Variants in NFU1 observed in about 807,000 individuals in gnomAD.
NFU1 encodes NFU1 iron-sulfur cluster scaffold, also known as NFU1 iron-sulfur cluster scaffold homolog, mitochondrial.
Under a neutral mutation model 32.2 loss-of-function variants are expected in NFU1, and 30 were observed. The observed-to-expected ratio is 0.93, with a 90% CI of 0.70 to 1.26. The LOEUF is 1.26. Ranked by LOEUF, NFU1 falls within the 50% of genes most tolerant of loss-of-function variation. NFU1 has a pLI of 0.00. For missense variants in NFU1, 306 were observed against 306.6 expected (o/e 1.00, Z 0.02); for synonymous variants, 112 against 104.6 (o/e 1.07, Z -0.43).
At position 69,415,294 on chromosome 2, in the gene NFU1, A is replaced by G. The variant is rs1383691673; in HGVS notation, c.375T>C (p.Asn125=). ...GPDFITVTKE[N]EELDWNLLKP... ...TCAGTAAATTCCAGTCTAATTCTTC[A>G]TTTTCCTATAAACATTTAAAGGAAA... Residue 125 remains asparagine, a synonymous_variant, in exon 5 of 8, where the codon AAT becomes AAC. Transcript: ENST00000410022. The G allele has an allele frequency of 2.9e-5, 45 of 1,577,382 alleles. No individual in the cohort carries two copies. Among genetic ancestry groups the G allele is most frequent in the Non-Finnish European group, 3.7e-5 (43 of 1,147,320 alleles).
At chr2:69,427,679 C>CA (rs35639734) in intron 2 of NFU1, among the ~76,000 whole-genome samples, 4,447 of 61,306 alleles carry the variant, frequency 0.073, 270 homozygotes, top group East Asian at 0.22. Flanking sequence ...CACTCAGTCT[C>CA]AAAAAAAAAA....
intron 2 of NFU1, among the ~76,000 whole-genome samples, chr2:69,424,656 T>G (rs1002684178): frequency 6.6e-6 from 1 of 152,132 alleles, no homozygotes; most frequent in Non-Finnish European, 1.5e-5. Flanking sequence ...TTAAGTCTTA[T>G]ACATATTCAT....
chr2:69,406,909 G>A (rs562281911), intron 5 of NFU1, among the ~76,000 whole-genome samples: 6 of 152,156 alleles, frequency 3.9e-5, no homozygotes, highest in South Asian at 2.1e-4. Context: ...TGCTGTTCTC[G>A]TGATAGTGAG....
chr2:69,428,910 C>A (rs1673549855), intron 2 of NFU1, among the ~76,000 whole-genome samples: 1 of 152,068 alleles, frequency 6.6e-6, no homozygotes, highest in Admixed American at 6.6e-5. Flanking sequence ...CCATGCAGTT[C>A]CAGCTAGCTG....
intron 4 of NFU1, among the ~76,000 whole-genome samples, chr2:69,418,676 A>G (rs1275385490): frequency 4.6e-5 from 7 of 151,718 alleles, no homozygotes; most frequent in Non-Finnish European, 1.0e-4. Context: ...TCACCATGTT[A>G]GCCAGAATGG....
chr2:69,424,588 AAT>A (rs1489277854), intron 2 of NFU1, among the ~76,000 whole-genome samples: 6 of 152,092 alleles, frequency 3.9e-5, no homozygotes, highest in Non-Finnish European at 7.4e-5. Flanking sequence ...GTGCCCAGCC[AAT>A]ACACTGATTA....
chr2:69,400,984 C>T (rs953498642), intron 6 of NFU1, among the ~76,000 whole-genome samples: 10 of 152,240 alleles, frequency 6.6e-5, no homozygotes, highest in African/African-American at 2.4e-4. Flanking sequence ...CAATATTTTA[C>T]AGCACTTAAG....
downstream of NFU1, chr2:69,396,060 T>C: frequency 1.8e-6 from 1 of 545,204 alleles, no homozygotes; most frequent in Non-Finnish European, 3.2e-6. Context: ...AATCCACGTG[T>C]ACAGAAGATG....
At position 69,431,918 on chromosome 2, in the gene NFU1, T is replaced by C; in HGVS notation, c.150A>G (p.Ala50=). 6.2e-7 allele frequency: 1 copy of C among 1,611,744 alleles called. No individual in the cohort carries two copies. Among genetic ancestry groups the C allele is most frequent in the Non-Finnish European group, 8.5e-7 (1 of 1,177,832 alleles). The change falls in exon 2 of 8, where the codon GCA becomes GCG. Residue 50 remains alanine, a synonymous_variant. Coordinates refer to ENST00000410022, the MANE Select transcript of NFU1 (RefSeq NM_001002755.4). The part of the protein sequence containing the change: ...FVQRPLFPLP[A]AFYHPVRYMF... ...AAATTTTACCTGGGTGATAAAAGGCTGCAGGTAGTGGGAAAAGTGGTCTTT... is the reference window on the plus strand; with the variant it reads ...AAATTTTACCTGGGTGATAAAAGGCCGCAGGTAGTGGGAAAAGTGGTCTTT...
At chr2:69,405,019 TG>T (rs1672651975) in intron 6 of NFU1, among the ~76,000 whole-genome samples, 1 of 150,166 alleles carries the variant, frequency 6.7e-6, no homozygotes, top group African/African-American at 2.4e-5. Context: ...GAAGTTGAGG[TG>T]GGCGGATCAC....
At position 69,424,033 on chromosome 2, in the gene NFU1, C is replaced by T. The variant is rs1246999496; in HGVS notation, c.167-316G>A. 3.3e-5 allele frequency among the ~76,000 whole-genome samples: 5 copies of T among 151,228 alleles called. No individual in the cohort carries two copies. In the East Asian group the frequency reaches 9.8e-4, roughly 30 times the overall value. On this transcript the variant is annotated intron_variant, in intron 2 of 7. Coordinates refer to ENST00000410022, the MANE Select transcript of NFU1 (RefSeq NM_001002755.4). Reference sequence around the variant, plus strand: ...ACTAAAAATACAAAAATTAGCCAGGCGTGGTGGCGGGTGCCTGTAATCCCA... The same window carrying T: ...ACTAAAAATACAAAAATTAGCCAGGTGTGGTGGCGGGTGCCTGTAATCCCA...
At position 69,414,763 on chromosome 2, in the gene NFU1, G is replaced by A. The variant is rs547287340; in HGVS notation, c.484+422C>T. 2.0e-5 allele frequency among the ~76,000 whole-genome samples: 3 copies of A among 152,112 alleles called. No individual in the cohort carries two copies. The East Asian group carries it at 5.8e-4, about 29-fold the overall frequency. On this transcript the variant is annotated intron_variant, in intron 5 of 7. Transcript: ENST00000410022. Reference sequence around the variant, plus strand: ...CTGGAACTAGGAAGGGAAAAGGGATGGGGGTACAGTGGTTTTAGCGGTTTC... The same window carrying A: ...CTGGAACTAGGAAGGGAAAAGGGATAGGGGTACAGTGGTTTTAGCGGTTTC...
chr2:69,423,808 A>T (rs1673349359), intron 2 of NFU1, 91 bp from the exon 3 acceptor site: 1 of 972,958 alleles, frequency 1.0e-6, no homozygotes, highest in South Asian at 1.5e-5. Flanking sequence ...GAATCAGAAG[A>T]AGTAAGAAAA....
At chr2:69,415,430 A>C in intron 4 of NFU1, 131 bp from the exon 5 acceptor site, 1 of 635,692 alleles carries the variant, frequency 1.6e-6, no homozygotes, top group Non-Finnish European at 2.8e-6. Flanking sequence ...GGCTGGATGG[A>C]GTACAGTGGT....
At position 69,437,284 on chromosome 2, in the gene NFU1, G is replaced by C. The variant is rs181474322; in HGVS notation, c.62+77C>G. 93 of 1,543,108 alleles carry C rather than the reference G, an allele frequency of 6.0e-5. No individual in the cohort carries two copies. The African/African-American group carries it at 9.3e-4, about 15-fold the overall frequency. On this transcript the variant is annotated intron_variant, in intron 1 of 7. Transcript: ENST00000410022. ...TGCACTACCCACCCGCCTCGAGAGA[G>C]GGTCTGCAAGGCGGCGACCGCTCCG...
chr2:69,413,710 G>C (rs1477858438), intron 5 of NFU1, among the ~76,000 whole-genome samples: 1 of 152,174 alleles, frequency 6.6e-6, no homozygotes, highest in Non-Finnish European at 1.5e-5. Flanking sequence ...AGTGAACTGA[G>C]ATCATGCCAC....
At chr2:69,423,417 G>A (rs1446984227) in intron 3 of NFU1, among the ~76,000 whole-genome samples, 165 bp downstream of exon 3, 1 of 121,360 alleles carries the variant, frequency 8.2e-6, no homozygotes, top group African/African-American at 3.3e-5. Flanking sequence ...ACTGCAACAG[G>A]CCTTATTTTT....
At chr2:69,433,594 G>A (rs567364463) in intron 1 of NFU1, among the ~76,000 whole-genome samples, 1 of 151,916 alleles carries the variant, frequency 6.6e-6, no homozygotes, top group East Asian at 1.9e-4. Context: ...TCTTGCCTCA[G>A]CCTCCCTAGT....
chr2:69,415,380 T>TA, intron 4 of NFU1, 81 bp from the exon 5 acceptor site: 1 of 767,372 alleles, frequency 1.3e-6, no homozygotes. Context: ...ACCTCTTTTT[T>TA]CTTTTTTTTT....
Sources: gnomAD v4.1 joint callset for allele counts (sites outside exome capture counted in the v4.1 genomes callset) on GRCh38, gnomAD v4.1.1 for gene constraint, MANE v1.5 for transcripts, NCBI Gene and HGNC (gene_info 2026-07-23, HGNC 2026-07-21) for gene names.